The following PLCB1 variants were observed in gnomAD, a reference collection of about 807,000 sequenced individuals.
The protein encoded by PLCB1 is 1-phosphatidylinositol 4,5-bisphosphate phosphodiesterase beta-1.
In PLCB1, 46 loss-of-function variants were observed where a neutral mutation model predicts 161.8. That is an observed-to-expected ratio of 0.28 (90% CI 0.22 to 0.36). PLCB1 has a LOEUF of 0.36. Ranked by LOEUF, PLCB1 falls within the 10% of genes least tolerant of loss-of-function variation. PLCB1 has a pLI of 1.00. For missense variants in PLCB1, 1,016 were observed against 1,472.5 expected, an observed-to-expected ratio of 0.69 and a Z score of 5.07; for synonymous variants, 517 against 503.7, an observed-to-expected ratio of 1.03 and a Z score of -0.35.
At chr20:8,351,408 T>C (rs537534506) in intron 2 of PLCB1, among the ~76,000 whole-genome samples, 17 of 152,126 alleles carry the variant, frequency 1.1e-4, no homozygotes, top group African/African-American at 2.9e-4. Context: ...ATAGAATAAA[T>C]TTTGTACAAT....
chr20:8,521,419 A>G (rs545458248), intron 3 of PLCB1, among the ~76,000 whole-genome samples: 63 of 152,218 alleles, frequency 4.1e-4, no homozygotes, highest in Non-Finnish European at 1.0e-4. Context: ...AATCATTTCA[A>G]TAGGCCCTGT....
At chr20:8,347,831 G>A (rs1052007946) in intron 2 of PLCB1, among the ~76,000 whole-genome samples, 5 of 152,088 alleles carry the variant, frequency 3.3e-5, no homozygotes, top group African/African-American at 1.2e-4. Context: ...TGAAATCTCA[G>A]GATTGCTCTA....
chr20:8,341,661 A>G (rs1985814970), intron 2 of PLCB1, among the ~76,000 whole-genome samples: 1 of 152,098 alleles, frequency 6.6e-6, no homozygotes, highest in African/African-American at 2.4e-5. Context: ...TACCTCCTTT[A>G]TATTTTTAAT....
intron 2 of PLCB1, among the ~76,000 whole-genome samples, chr20:8,219,160 G>A (rs1331619193): frequency 6.6e-6 from 1 of 152,100 alleles, no homozygotes; most frequent in Non-Finnish European, 1.5e-5. Flanking sequence ...AGCATCTCAA[G>A]ACTTCACTGT....
At chr20:8,782,722 T>C (rs1983302647) in intron 27 of PLCB1, among the ~76,000 whole-genome samples, 1 of 152,168 alleles carries the variant, frequency 6.6e-6, no homozygotes, top group Non-Finnish European at 1.5e-5. Flanking sequence ...AATTAATTTC[T>C]TGTAGAAGAA....
At chr20:8,867,019 G>GA (rs1987451939) in intron 31 of PLCB1, among the ~76,000 whole-genome samples, 1 of 152,078 alleles carries the variant, frequency 6.6e-6, no homozygotes, top group Non-Finnish European at 1.5e-5. Context: ...TTTATAAAAA[G>GA]AAAAAGAAAA....
At chr20:8,323,067 T>A (rs1984987192) in intron 2 of PLCB1, among the ~76,000 whole-genome samples, 1 of 152,158 alleles carries the variant, frequency 6.6e-6, no homozygotes, top group South Asian at 2.1e-4. Flanking sequence ...AAATCTCAGT[T>A]AACTGATTGC....
chr20:8,397,243 T>G (rs1403484225), intron 3 of PLCB1, among the ~76,000 whole-genome samples: 1 of 152,096 alleles, frequency 6.6e-6, no homozygotes, highest in Non-Finnish European at 1.5e-5. Context: ...AATCCAACGT[T>G]TCTTTGCAAT....
chr20:8,648,974 AAAG>A (rs1989240516), intron 6 of PLCB1, among the ~76,000 whole-genome samples: 2 of 151,604 alleles, frequency 1.3e-5, no homozygotes, highest in Admixed American at 6.6e-5. Context: ...AAAGAAAAGA[AAAG>A]AAATTAATTT....
At chr20:8,494,096 A>G (rs1391056546) in intron 3 of PLCB1, among the ~76,000 whole-genome samples, 1 of 149,936 alleles carries the variant, frequency 6.7e-6, no homozygotes, top group African/African-American at 2.5e-5. Context: ...GTGCTTTAGC[A>G]TCATTGGAAG....
At chr20:8,469,586 G>A (rs1568688179) in intron 3 of PLCB1, among the ~76,000 whole-genome samples, 1 of 152,014 alleles carries the variant, frequency 6.6e-6, no homozygotes, top group East Asian at 1.9e-4. Flanking sequence ...AAGTACATAT[G>A]TGTACCCACA....
rs753904049 is a variant in PLCB1 at position 8,680,944 on chromosome 20, TGTTTTTG to T, written c.863-3976_863-3970del. ...AATTTAGTAATATCTGTCTAGTTTGTGTTTTTGGTTTTTGGTTTATTTGCTTGGTTTT... is the reference window on the plus strand; with the variant it reads ...AATTTAGTAATATCTGTCTAGTTTGTGTTTTTGGTTTATTTGCTTGGTTTT... On this transcript the variant is annotated intron_variant, in intron 9 of 31. Transcript: ENST00000338037. Among the ~76,000 whole-genome samples, 105 of 151,438 alleles carry T rather than the reference TGTTTTTG, an allele frequency of 6.9e-4. 1 individual carries two copies. The highest frequency in any genetic ancestry group is 2.3e-3 in the South Asian group (11 of 4,798).
At chr20:8,519,564 A>G (rs955940613) in intron 3 of PLCB1, among the ~76,000 whole-genome samples, 9 of 152,054 alleles carry the variant, frequency 5.9e-5, no homozygotes, top group African/African-American at 2.2e-4. Context: ...ATTCTTAGGG[A>G]TCAGAATATT....
intron 3 of PLCB1, among the ~76,000 whole-genome samples, chr20:8,559,752 A>G (rs1199211161): frequency 3.9e-5 from 6 of 152,062 alleles, no homozygotes; most frequent in African/African-American, 1.4e-4. Context: ...CAATTCATCA[A>G]GAATATAAAA....
chr20:8,844,168 C>A (rs1986606649), intron 31 of PLCB1, among the ~76,000 whole-genome samples: 1 of 152,196 alleles, frequency 6.6e-6, no homozygotes. Context: ...TGATTGTTTT[C>A]ACCTCAGAAT....
At position 8,132,888 on chromosome 20, in the gene PLCB1, G is replaced by C. The variant is rs2051307506; in HGVS notation, c.99+138G>C. 1.5e-6 allele frequency: 1 copy of C among 647,632 alleles called. No individual in the cohort carries two copies. The highest frequency in any genetic ancestry group is 2.8e-6 in the Non-Finnish European group (1 of 358,980). The allele number at this position is 647,632 out of a possible 1,614,324, so 40.1% of individuals were successfully genotyped here. A position where few individuals can be genotyped will look rare whatever the true frequency, so the allele number is the denominator to read the frequency against. On this transcript the variant is annotated intron_variant, in intron 1 of 31. Transcript: ENST00000338037. The surrounding 1 kb of genome is among the most constrained non-coding windows in gnomAD (Gnocchi z 5.2). Reference sequence around the variant, plus strand: ...GGGGCAGCCTCGGGCGCACAGGTTGGCATCTGCCAAAGCGGATGTCCAAGG... The same window carrying C: ...GGGGCAGCCTCGGGCGCACAGGTTGCCATCTGCCAAAGCGGATGTCCAAGG...
intron 3 of PLCB1, among the ~76,000 whole-genome samples, chr20:8,466,206 C>T (rs1022333748): frequency 3.0e-4 from 45 of 151,806 alleles, no homozygotes; most frequent in Admixed American, 4.6e-4. Context: ...TCATCATTCT[C>T]AGTAAACTAT....
intron 3 of PLCB1, among the ~76,000 whole-genome samples, chr20:8,473,461 A>G (rs1468792130): frequency 6.6e-6 from 1 of 152,232 alleles, no homozygotes; most frequent in South Asian, 2.1e-4. Flanking sequence ...TTCTCAATTT[A>G]CAAAACAAAT....
At chr20:8,556,981 A>G (rs1443708471) in intron 3 of PLCB1, among the ~76,000 whole-genome samples, 1 of 120,596 alleles carries the variant, frequency 8.3e-6, no homozygotes, top group African/African-American at 3.2e-5. Flanking sequence ...TAATAAATAA[A>G]TAAAATAAAT....
Sources: gnomAD v4.1 joint callset for allele counts (sites outside exome capture counted in the v4.1 genomes callset) on GRCh38, gnomAD v4.1.1 for gene constraint, Gnocchi (gnomAD v3.1) non-coding constraint, MANE v1.5 for transcripts, NCBI Gene and HGNC (gene_info 2026-07-23, HGNC 2026-07-21) for gene names.